SAMD4A: variants seen among roughly 807,000 people sequenced by gnomAD.
The protein encoded by SAMD4A is protein Smaug homolog 1.
In SAMD4A, 33 loss-of-function variants were observed where a neutral mutation model predicts 81.3. That is an observed-to-expected ratio of 0.41 (90% CI 0.31 to 0.54). The LOEUF (loss-of-function observed/expected upper bound fraction) is 0.54, where lower values mean the gene tolerates loss of function less well. Among genes scored for constraint, SAMD4A ranks in the 20% least tolerant of loss-of-function variants. The pLI, the probability that SAMD4A is intolerant of heterozygous loss-of-function variation, is 0.37. For missense variants in SAMD4A, 854 were observed against 951.1 expected, an observed-to-expected ratio of 0.90 and a Z score of 1.34; for synonymous variants, 389 against 382.1, an observed-to-expected ratio of 1.02 and a Z score of -0.21.
At chr14:54,660,823 C>A (rs1011146505) in intron 2 of SAMD4A, among the ~76,000 whole-genome samples, 6 of 152,230 alleles carry the variant, frequency 3.9e-5, no homozygotes, top group African/African-American at 1.4e-4. Context: ...TTCCATTAGA[C>A]TTGGTATCCA....
Position 54,789,025 on chromosome 14 carries a change from G to A in SAMD4A, c.*81G>A. 6.7e-7 allele frequency: 1 copy of A among 1,502,420 alleles called. No individual in the cohort carries two copies. Among genetic ancestry groups the A allele is most frequent in the Non-Finnish European group, 9.3e-7 (1 of 1,078,872 alleles). The allele number at this position is 1,502,420 out of a possible 1,614,324, so 93.1% of individuals were successfully genotyped here. The stretch of plus-strand genomic sequence containing the variant: ...TGTCCGCCATCTTCAGGGTTGCACA[G>A]AATCCTCCAAGATACTTTGCAGCCT... On this transcript the variant is annotated 3_prime_UTR_variant, in exon 13 of 13. Coordinates refer to ENST00000554335, the MANE Select transcript of SAMD4A (RefSeq NM_015589.6).
At chr14:54,650,374 G>C (rs2140420302) in intron 2 of SAMD4A, among the ~76,000 whole-genome samples, 1 of 152,228 alleles carries the variant, frequency 6.6e-6, no homozygotes, top group Middle Eastern at 3.4e-3. Flanking sequence ...CATGTTATTG[G>C]CTAGTGATTT....
intron 2 of SAMD4A, among the ~76,000 whole-genome samples, chr14:54,657,532 G>A (rs2035547210): frequency 6.6e-6 from 1 of 152,214 alleles, no homozygotes; most frequent in African/African-American, 2.4e-5. Context: ...GAGGTAGTAG[G>A]CTAGAAGCAC....
At position 54,761,101 on chromosome 14, in the gene SAMD4A, T is replaced by C. The variant is rs549714589; in HGVS notation, c.1510+607T>C. Among the ~76,000 whole-genome samples the C allele has an allele frequency of 2.6e-5, 4 of 152,356 alleles. No individual in the cohort carries two copies. The South Asian group carries it at 8.3e-4, about 32-fold the overall frequency. On this transcript the variant is annotated intron_variant, in intron 7 of 12. Transcript: ENST00000554335. ...TTCTCTCTTCACGGCTGGCCTGCCA[T>C]GTGAAATGCTCTAGTACGAATAGCT...
At chr14:54,668,756 G>A (rs1377837788) in intron 2 of SAMD4A, 1 of 152,208 alleles carries the variant, frequency 6.6e-6, no homozygotes, top group Non-Finnish European at 1.5e-5. Flanking sequence ...ACATCCTTAT[G>A]ACATAGATAC....
chr14:54,777,355 C>G (rs911372215), intron 11 of SAMD4A, among the ~76,000 whole-genome samples: 1 of 152,192 alleles, frequency 6.6e-6, no homozygotes, highest in African/African-American at 2.4e-5. Context: ...GGCAAGGAAG[C>G]TTCCTGGAGT....
At chr14:54,730,662 T>G (rs1029268164) in intron 3 of SAMD4A, among the ~76,000 whole-genome samples, 3 of 152,218 alleles carry the variant, frequency 2.0e-5, no homozygotes, top group African/African-American at 7.2e-5. Context: ...CCTGAAGCAG[T>G]GATGACAGAG....
intron 2 of SAMD4A, among the ~76,000 whole-genome samples, chr14:54,612,985 C>T (rs903371773): frequency 8.5e-5 from 13 of 152,194 alleles, no homozygotes; most frequent in African/African-American, 2.9e-4. Context: ...GGCATGGTGG[C>T]ATGCACCTGT....
rs753250969 is a variant in SAMD4A at position 54,784,623 on chromosome 14, G to A, written c.2128+3G>A. 3 of 1,613,106 alleles carry A rather than the reference G, an allele frequency of 1.9e-6. No individual in the cohort carries two copies. Among genetic ancestry groups the A allele is most frequent in the Non-Finnish European group, 2.5e-6 (3 of 1,179,108 alleles). ...TATGACCGAACACGCCCTGGGAGGT[G>A]AGTGTGTTCTTCCTGCATGTCCCCA... On this transcript the variant is annotated splice_donor_region_variant and intron_variant, in intron 12 of 12. Coordinates refer to ENST00000554335, the MANE Select transcript of SAMD4A (RefSeq NM_015589.6).
chr14:54,596,116 C>CCCGT (rs1239825945), intron 2 of SAMD4A, among the ~76,000 whole-genome samples: 1 of 151,992 alleles, frequency 6.6e-6, no homozygotes, highest in Non-Finnish European at 1.5e-5. Flanking sequence ...GGGAAGAGTA[C>CCCGT]CCGTCAGGTC....
Position 54,737,407 on chromosome 14 carries a change from G to C in SAMD4A, c.979+120G>C. 4 of 1,177,272 alleles carry C rather than the reference G, an allele frequency of 3.4e-6. No homozygotes were observed. In the South Asian group the frequency reaches 4.3e-5, roughly 13 times the overall value. The allele number at this position is 1,177,272 out of a possible 1,614,324, so 72.9% of individuals were successfully genotyped here. On this transcript the variant is annotated intron_variant, in intron 4 of 12. Coordinates refer to ENST00000554335, the MANE Select transcript of SAMD4A (RefSeq NM_015589.6). ...GAGCCCACCCCTTCCCCAGGCTTAC[G>C]CATTTGATCTGTCCCTTCCAGAACT...
At chr14:54,788,658 A>G (rs1284420751) in intron 12 of SAMD4A, among the ~76,000 whole-genome samples, 1 of 152,174 alleles carries the variant, frequency 6.6e-6, no homozygotes, top group Non-Finnish European at 1.5e-5. Flanking sequence ...GTCTGTGTCT[A>G]CCCTCAAATA....
Position 54,724,024 on chromosome 14 carries a change from G to GAAGGAA in SAMD4A, c.716-13000_716-12999insAAGGAA, listed in dbSNP as rs1555347504. The stretch of plus-strand genomic sequence containing the variant: ...TGGATGGATGGAAGGAAGGAAGGAA[G>GAAGGAA]GAAGGAAGGAAGGAAGGAAGGAAGG... On this transcript the variant is annotated intron_variant, in intron 3 of 12. Transcript: ENST00000554335. Among the ~76,000 whole-genome samples the GAAGGAA allele has an allele frequency of 3.6e-4, 35 of 97,248 alleles. 1 individual carries two copies. In the East Asian group the frequency reaches 0.014, roughly 40 times the overall value. 63.8% of individuals were successfully genotyped at this position (97,248 alleles called of 152,430 possible).
chr14:54,725,694 C>T (rs1242079842), intron 3 of SAMD4A, among the ~76,000 whole-genome samples: 2 of 152,218 alleles, frequency 1.3e-5, no homozygotes, highest in African/African-American at 2.4e-5. Flanking sequence ...TTCTAGAGCA[C>T]TTTACAATAT....
At chr14:54,767,953 T>A (rs911793381) in intron 8 of SAMD4A, among the ~76,000 whole-genome samples, 4 of 152,192 alleles carry the variant, frequency 2.6e-5, no homozygotes, top group African/African-American at 9.7e-5. Flanking sequence ...CCCATTGAGG[T>A]GCTCAGGGAA....
At chr14:54,754,672 G>A (rs747806511) in intron 6 of SAMD4A, 28 of 177,082 alleles carry the variant, frequency 1.6e-4, no homozygotes, top group Non-Finnish European at 2.3e-4. Flanking sequence ...CACAGACACC[G>A]CTGGGCTGAT....
At chr14:54,632,890 T>C (rs2034937907) in intron 2 of SAMD4A, among the ~76,000 whole-genome samples, 1 of 152,382 alleles carries the variant, frequency 6.6e-6, no homozygotes, top group South Asian at 2.1e-4. Flanking sequence ...TGTCACTATG[T>C]ATAGTAATTT....
intron 2 of SAMD4A, among the ~76,000 whole-genome samples, chr14:54,620,948 T>C (rs1423599560): frequency 6.6e-6 from 1 of 152,114 alleles, no homozygotes; most frequent in African/African-American, 2.4e-5. Context: ...TTTGTAGAGA[T>C]GAAACATTTT....
chr14:54,774,813 C>CAAAA (rs546617416), intron 9 of SAMD4A, 121 bp from the exon 10 acceptor site: 15 of 643,774 alleles, frequency 2.3e-5, no homozygotes, highest in Non-Finnish European at 3.4e-5. Context: ...GACCCTGACT[C>CAAAA]AAAAAAAAAA....
Sources: gnomAD v4.1 joint callset for allele counts (sites outside exome capture counted in the v4.1 genomes callset) on GRCh38, gnomAD v4.1.1 for gene constraint, MANE v1.5 for transcripts, NCBI Gene and HGNC (gene_info 2026-07-23, HGNC 2026-07-21) for gene names.